The following PGLS variants were observed in gnomAD, a reference collection of about 807,000 sequenced individuals.
PGLS encodes the protein epididymis secretory protein Li 304.
PGLS carries 21 observed loss-of-function variants against 23.2 expected under a neutral mutation model. The observed-to-expected ratio is 0.91, with a 90% confidence interval of 0.64 to 1.31. The LOEUF (loss-of-function observed/expected upper bound fraction) is 1.31, where lower values mean the gene tolerates loss of function less well. PGLS is among the 50% of genes most tolerant of loss of function. The probability of loss-of-function intolerance (pLI) is 0.00; values close to 1 mark genes in which losing one functional copy is unlikely to be tolerated. For synonymous variants in PGLS, 179 were observed against 165.4 expected (o/e 1.08, Z -0.63); for missense variants, 410 against 354.0 (o/e 1.16, Z -1.27).
intron 1 of PGLS, among the ~76,000 whole-genome samples, chr19:17,514,946 C>G (rs2075526100): frequency 6.6e-6 from 1 of 152,114 alleles, no homozygotes; most frequent in African/African-American, 2.4e-5. Flanking sequence ...GCCACCGTGC[C>G]AGGCCGCTAA....
In PGLS at chr19:17,521,240, A is replaced by C; in HGVS notation, c.*159A>C. On this transcript the variant is annotated 3_prime_UTR_variant, in exon 5 of 5. Coordinates refer to ENST00000252603, the MANE Select transcript of PGLS (RefSeq NM_012088.3). ...AGCAGCCCTACCCGGGGCTCAACAC[A>C]CAGGCTGTGGCTCTGGACATCCGGA... 6 of 656,296 alleles carry C rather than the reference A, an allele frequency of 9.1e-6. No individual in the cohort carries two copies. Among genetic ancestry groups the C allele is most frequent in the Non-Finnish European group, 1.5e-5 (6 of 394,380 alleles). 40.7% of individuals were successfully genotyped at this position (656,296 alleles called of 1,614,324 possible). A position where few individuals can be genotyped will look rare whatever the true frequency, so the allele number is the denominator to read the frequency against.
At position 17,513,856 on chromosome 19, in the gene PGLS, A is replaced by T. The variant is rs182604070; in HGVS notation, c.288+1896A>T. 7.9e-5 allele frequency among the ~76,000 whole-genome samples: 12 copies of T among 152,266 alleles called. No homozygotes were observed. The East Asian group carries it at 2.1e-3, about 27-fold the overall frequency. ...GTGAAATGCTGCAGAGTGCTAGGGA[A>T]TAGGGAGTGAGCATTCGTCAAGGGC... On this transcript the variant is annotated intron_variant, in intron 1 of 4. Coordinates refer to ENST00000252603, the MANE Select transcript of PGLS (RefSeq NM_012088.3).
intron 1 of PGLS, among the ~76,000 whole-genome samples, chr19:17,514,430 C>T (rs2075523610): frequency 6.6e-6 from 1 of 151,832 alleles, no homozygotes; most frequent in African/African-American, 2.4e-5. Flanking sequence ...TCCTTCCCTC[C>T]TTCCCTCCCT....
At chr19:17,516,412 C>T (rs770495871) in intron 2 of PGLS, 132 bp downstream of exon 2, 6 of 1,440,964 alleles carry the variant, frequency 4.2e-6, no homozygotes, top group Non-Finnish European at 5.5e-6. Context: ...TTGAGGAATC[C>T]CCTCTTCGAG....
chr19:17,512,103 A>G (rs373785656), intron 1 of PGLS, 143 bp downstream of exon 1: 2 of 881,324 alleles, frequency 2.3e-6, no homozygotes. Context: ...ACTGGGTATC[A>G]TGCCAAGAGG....
intron 2 of PGLS, 75 bp from the exon 3 acceptor site, chr19:17,517,213 T>C: frequency 1.1e-6 from 1 of 884,368 alleles, no homozygotes; most frequent in African/African-American, 1.7e-5. Flanking sequence ...ATCTGACAAC[T>C]GTTTCTGTGT....
In PGLS at chr19:17,516,156, C is replaced by T. The variant is rs1419559580; in HGVS notation, c.289-17C>T. 1.5e-5 allele frequency: 24 copies of T among 1,595,982 alleles called. No individual in the cohort carries two copies. Among genetic ancestry groups the T allele is most frequent in the Non-Finnish European group, 2.1e-5 (24 of 1,163,746 alleles). ...GTCACGTTACTGTTGGTGACATTGTCCCTCTGTTGGCTGCAGACGCATCTT... is the reference window on the plus strand; with the variant it reads ...GTCACGTTACTGTTGGTGACATTGTTCCTCTGTTGGCTGCAGACGCATCTT... On this transcript the variant is annotated splice_polypyrimidine_tract_variant and intron_variant, in intron 1 of 4. Coordinates refer to ENST00000252603, the MANE Select transcript of PGLS (RefSeq NM_012088.3).
In PGLS at chr19:17,516,458, C is replaced by T. The variant is rs1366211857; in HGVS notation, c.396+178C>T. Reference sequence around the variant, plus strand: ...TGCCCTGGGGAGCCTGAAGGCCACTCGGCCTCTGTTGCCCAGGTAACAGGC... The same window carrying T: ...TGCCCTGGGGAGCCTGAAGGCCACTTGGCCTCTGTTGCCCAGGTAACAGGC... On this transcript the variant is annotated intron_variant, in intron 2 of 4. Transcript: ENST00000252603. The T allele has an allele frequency of 3.6e-5, 50 of 1,401,580 alleles. No individual in the cohort carries two copies. The East Asian group carries it at 4.0e-4, about 11-fold the overall frequency. 86.8% of individuals were successfully genotyped at this position (1,401,580 alleles called of 1,614,324 possible). A position where few individuals can be genotyped will look rare whatever the true frequency, so the allele number is the denominator to read the frequency against.
chr19:17,521,097 C>CCGCAGCTGGGACCAGG lies in PGLS; in HGVS notation c.*18_*33dup. The CCGCAGCTGGGACCAGG allele has an allele frequency of 6.3e-7, 1 of 1,581,590 alleles. No individual in the cohort carries two copies. Among genetic ancestry groups the CCGCAGCTGGGACCAGG allele is most frequent in the Non-Finnish European group, 8.6e-7 (1 of 1,162,226 alleles). On this transcript the variant is annotated 3_prime_UTR_variant, in exon 5 of 5. Coordinates refer to ENST00000252603, the MANE Select transcript of PGLS (RefSeq NM_012088.3). The stretch of plus-strand genomic sequence containing the variant: ...CACTTTGTAGCTGGCCAGAGGGACG[C>CCGCAGCTGGGACCAGG]CGCAGCTGGGACCAGGCACGCGGCC...
chr19:17,516,392 G>T, intron 2 of PGLS, 112 bp downstream of exon 2: 1 of 1,477,906 alleles, frequency 6.8e-7, no homozygotes, highest in South Asian at 1.3e-5. Flanking sequence ...GGGATCACTG[G>T]CAGATCCCTT....
In PGLS at chr19:17,520,849, G is replaced by A. The variant is rs2075554024; in HGVS notation, c.640-95G>A. On this transcript the variant is annotated intron_variant, in intron 4 of 4. Coordinates refer to ENST00000252603, the MANE Select transcript of PGLS (RefSeq NM_012088.3). ...GCATTGTCACATTTTGAGGATACAA[G>A]AGTCTTATTTATCCTTGGTTGGGGA... is the stretch of plus-strand genomic sequence containing the variant. The A allele has an allele frequency of 1.1e-5, 15 of 1,341,620 alleles. No homozygotes were observed. The South Asian group carries it at 1.9e-4, about 17-fold the overall frequency. 83.1% of individuals were successfully genotyped at this position (1,341,620 alleles called of 1,614,324 possible). A position where few individuals can be genotyped will look rare whatever the true frequency, so the allele number is the denominator to read the frequency against.
chr19:17,516,033 C>A, intron 1 of PGLS, 140 bp from the exon 2 acceptor site: 1 of 638,134 alleles, frequency 1.6e-6, no homozygotes, highest in Non-Finnish European at 2.9e-6. Context: ...AACCGAAGGA[C>A]CTTGCACAAA....
intron 1 of PGLS, among the ~76,000 whole-genome samples, chr19:17,515,191 A>G (rs1225443985): frequency 2.0e-5 from 3 of 152,224 alleles, no homozygotes; most frequent in Admixed American, 1.3e-4. Context: ...CTTTCCAACT[A>G]TGGATACGAT....
chr19:17,517,559 C>A (rs1221060454), intron 3 of PGLS, 151 bp from the exon 4 acceptor site: 3 of 973,504 alleles, frequency 3.1e-6, no homozygotes, highest in Admixed American at 2.2e-5. Flanking sequence ...CTCAGTTGAG[C>A]CCCTTAAAAC....
Position 17,517,269 on chromosome 19 carries a change from G to C in PGLS, c.397-19G>C. On this transcript the variant is annotated intron_variant, in intron 2 of 4. Transcript: ENST00000252603. ...CTGCCACCTACAACCTCTCAAGGCT[G>C]TCTTCTCCCCACGCCCAGGCATTCC... 1 of 1,571,768 alleles carries C rather than the reference G, an allele frequency of 6.4e-7. No individual in the cohort carries two copies. Among genetic ancestry groups the C allele is most frequent in the Non-Finnish European group, 8.8e-7 (1 of 1,142,032 alleles).
At chr19:17,517,923 C>T in intron 4 of PGLS, 73 bp downstream of exon 4, 2 of 1,483,608 alleles carry the variant, frequency 1.3e-6, no homozygotes, top group Non-Finnish European at 9.2e-7. Context: ...TGGCCCCAGA[C>T]ATTATTGTGC....
chr19:17,516,583 CT>C (rs999905398), intron 2 of PGLS: 96,045 of 688,804 alleles, frequency 0.14, 2 homozygotes, highest in Non-Finnish European at 0.15. Context: ...ACTTGTATTT[CT>C]TTTTTTTTTT....
intron 4 of PGLS, 90 bp downstream of exon 4, chr19:17,517,940 A>G (rs1455350074): frequency 2.0e-5 from 27 of 1,325,478 alleles, no homozygotes; most frequent in Non-Finnish European, 3.1e-6. Flanking sequence ...GTGCTGAAGC[A>G]TCAGATCTGA....
rs777699776 is a variant in PGLS, at chr19:17,516,240, T to G, written c.356T>G (p.Val119Gly). 6.2e-7 allele frequency: 1 copy of G among 1,613,864 alleles called. No homozygotes were observed. Among genetic ancestry groups the G allele is most frequent in the Admixed American group, 1.7e-5 (1 of 59,998 alleles). The change falls in exon 2 of 5, where the codon GTG (valine) becomes GGG (glycine). Residue 119 changes from valine (V) to glycine (G), a missense_variant. Coordinates refer to ENST00000252603, the MANE Select transcript of PGLS (RefSeq NM_012088.3). ...ATCACCATTAACCCCGAGCTGCCTGTGGAGGAGGCGGCTGAGGACTACGCC... is the reference window on the plus strand; with the variant it reads ...ATCACCATTAACCCCGAGCTGCCTGGGGAGGAGGCGGCTGAGGACTACGCC... ...QVITINPELP[V>G]EEAAEDYAKK...
Sources: gnomAD v4.1 joint callset for allele counts (sites outside exome capture counted in the v4.1 genomes callset) on GRCh38, gnomAD v4.1.1 for gene constraint, MANE v1.5 for transcripts, NCBI Gene and HGNC (gene_info 2026-07-23, HGNC 2026-07-21) for gene names.